MSANTD2: variants seen among roughly 807,000 people sequenced by gnomAD.
MSANTD2 encodes Myb/SANT DNA binding domain containing 2, also known as myb/SANT-like DNA-binding domain-containing protein 2.
MSANTD2 carries 19 observed loss-of-function variants against 52.6 expected under a neutral mutation model. The ratio of observed to expected loss-of-function variants is 0.36; its 90% CI spans 0.25 to 0.53. The LOEUF is 0.53. MSANTD2 is among the 20% of genes least tolerant of loss of function. MSANTD2 has a pLI of 0.91. For synonymous variants in MSANTD2, 291 were observed against 289.7 expected (o/e 1.00, Z -0.04); for missense variants, 558 against 716.3 (o/e 0.78, Z 2.52).
In MSANTD2 at chr11:124,767,483, G is replaced by A; in HGVS notation, c.1373C>T (p.Ser458Leu). The A allele has an allele frequency of 6.2e-7, 1 of 1,614,194 alleles. No homozygotes were observed. Among genetic ancestry groups the A allele is most frequent in the Non-Finnish European group, 8.5e-7 (1 of 1,180,028 alleles). The change falls in exon 4 of 4, where the codon TCA becomes TTA. Residue 458 changes from serine to leucine, a missense_variant. Physicochemically the swap from Ser to Leu is moderately radical, Grantham distance 145. This residue lies in a region of MSANTD2 where 408 missense variants were observed against 573.6 expected (regional missense o/e 0.71). Coordinates refer to ENST00000374979, the MANE Select transcript of MSANTD2 (RefSeq NM_001308027.2). The surrounding 1 kb of genome is among the most constrained non-coding windows in gnomAD (Gnocchi z 6.5). ...TTCCACCTGTAATGAGGCTTGTGCT[G>A]AAAGGGTTTCCAGGTCAACCCGGCC... Reference protein sequence around the residue: ...KEGRVDLETLSAQASLQVEIE... With the variant: ...KEGRVDLETLLAQASLQVEIE...
At chr11:124,793,182 C>T (rs1418098742) in intron 1 of MSANTD2, among the ~76,000 whole-genome samples, 3 of 152,114 alleles carry the variant, frequency 2.0e-5, no homozygotes, top group African/African-American at 4.8e-5. Context: ...ACAATATAGG[C>T]CAGTGATACT....
At chr11:124,791,273 A>G in intron 1 of MSANTD2, 1 of 1,455,924 alleles carries the variant, frequency 6.9e-7, no homozygotes, top group South Asian at 1.1e-5. Context: ...TCCTTGGTCT[A>G]CTCCATGCCC....
intron 3 of MSANTD2, among the ~76,000 whole-genome samples, chr11:124,768,779 C>A (rs1428088160): frequency 6.6e-6 from 1 of 151,964 alleles, no homozygotes; most frequent in African/African-American, 2.4e-5. Flanking sequence ...TCTAGAAAAC[C>A]CTTTATAAAG....
chr11:124,778,615 T>C (rs1944837390), intron 1 of MSANTD2, among the ~76,000 whole-genome samples: 1 of 152,126 alleles, frequency 6.6e-6, no homozygotes, highest in Non-Finnish European at 1.5e-5. Context: ...TCATGGTATT[T>C]GATTTGGAAG....
intron 3 of MSANTD2, among the ~76,000 whole-genome samples, chr11:124,772,787 C>CAG (rs1944583707): frequency 6.9e-6 from 1 of 145,290 alleles, no homozygotes; most frequent in Non-Finnish European, 1.5e-5. Flanking sequence ...ATAGACATCA[C>CAG]AGTTCCTGGA....
intron 2 of MSANTD2, among the ~76,000 whole-genome samples, chr11:124,773,770 G>C (rs1944631360): frequency 6.6e-6 from 1 of 152,110 alleles, no homozygotes; most frequent in Admixed American, 6.5e-5. Flanking sequence ...AAAAAACAGA[G>C]CCCATGGACT....
At chr11:124,785,546 T>C (rs1185920219) in intron 1 of MSANTD2, among the ~76,000 whole-genome samples, 1 of 152,206 alleles carries the variant, frequency 6.6e-6, no homozygotes, top group East Asian at 1.9e-4. Context: ...AGGTTGGACC[T>C]TGGTATTTCA....
At position 124,774,306 on chromosome 11, in the gene MSANTD2, C is replaced by G. The variant is rs566219008; in HGVS notation, c.766+413G>C. Among the ~76,000 whole-genome samples the G allele has an allele frequency of 4.2e-4, 61 of 146,650 alleles. No homozygotes were observed. The highest frequency in any genetic ancestry group is 1.6e-3 in the African/African-American group (59 of 36,618). Reference sequence around the variant, plus strand: ...GGATAAAAGAAGGAATTCCTAAGAACAACATCTACAGCAGTTGGGCCAAGA... The same window carrying G: ...GGATAAAAGAAGGAATTCCTAAGAAGAACATCTACAGCAGTTGGGCCAAGA... On this transcript the variant is annotated intron_variant, in intron 2 of 3. Transcript: ENST00000374979. This position sits in a 1 kb window ranked among gnomAD's most constrained non-coding sequence, Gnocchi z 5.1.
chr11:124,777,066 T>C (rs1254756414), intron 1 of MSANTD2, among the ~76,000 whole-genome samples: 1 of 152,190 alleles, frequency 6.6e-6, no homozygotes, highest in Admixed American at 6.5e-5. Flanking sequence ...CACTCCCCCT[T>C]TCCCAGCGCC....
chr11:124,772,905 T>G lies in MSANTD2; in HGVS notation c.827+89A>C, dbSNP rs2135235291. 5 of 854,236 alleles carry G rather than the reference T, an allele frequency of 5.9e-6. No individual in the cohort carries two copies. The South Asian group carries it at 5.9e-5, about 10-fold the overall frequency. 52.9% of individuals were successfully genotyped at this position (854,236 alleles called of 1,614,324 possible). On this transcript the variant is annotated intron_variant, in intron 3 of 3. Transcript: ENST00000374979. ...CCTCCTTGGTGAATGGCCGGAACTT[T>G]CATAATATGTCTAAATATTTTCTGA... is the stretch of plus-strand genomic sequence containing the variant.
chr11:124,796,377 GCTATATAGCTCTTC>G (rs1429656616), intron 1 of MSANTD2, among the ~76,000 whole-genome samples: 2 of 152,136 alleles, frequency 1.3e-5, no homozygotes, highest in African/African-American at 4.8e-5. Flanking sequence ...AATTAAAGTT[GCTATATAGCTCTTC>G]CTTTTAAAGT....
In MSANTD2 at chr11:124,774,613, T is replaced by C. The variant is rs570218990; in HGVS notation, c.766+106A>G. The stretch of plus-strand genomic sequence containing the variant: ...CCTTTATGCCTTATGCTGACCACTA[T>C]AGGGAACAGTACCAAAGATATTTAC... On this transcript the variant is annotated intron_variant, in intron 2 of 3. Transcript: ENST00000374979. The surrounding 1 kb of genome is among the most constrained non-coding windows in gnomAD (Gnocchi z 5.1). The C allele has an allele frequency of 2.7e-5, 32 of 1,167,812 alleles. No individual in the cohort carries two copies. In the South Asian group the frequency reaches 4.3e-4, roughly 16 times the overall value. The allele number at this position is 1,167,812 out of a possible 1,614,324, so 72.3% of individuals were successfully genotyped here. A position where few individuals can be genotyped will look rare whatever the true frequency, so the allele number is the denominator to read the frequency against.
chr11:124,771,517 C>T (rs1944519318), intron 3 of MSANTD2, among the ~76,000 whole-genome samples: 1 of 152,214 alleles, frequency 6.6e-6, no homozygotes, highest in Non-Finnish European at 1.5e-5. Context: ...CGCCTGTAAT[C>T]CCAACACTTT....
intron 1 of MSANTD2, chr11:124,791,003 G>A: frequency 2.4e-6 from 1 of 419,196 alleles, no homozygotes. Context: ...TGTAGGTTAT[G>A]GCCCATTAGT....
chr11:124,772,419 G>T (rs186224144), intron 3 of MSANTD2, among the ~76,000 whole-genome samples: 77 of 152,298 alleles, frequency 5.1e-4, no homozygotes, highest in Non-Finnish European at 2.1e-4. Flanking sequence ...ATCACTGGAA[G>T]GGTTAAGCTA....
At position 124,788,623 on chromosome 11, in the gene MSANTD2, G is replaced by A. The variant is rs186606388; in HGVS notation, c.510+11248C>T. On this transcript the variant is annotated intron_variant, in intron 1 of 3. Transcript: ENST00000374979. ...ACCATGTTTCCTAAACTGTATAACA[G>A]AGAAGGGATCTCTCCTGGTTTTCCT... Among the ~76,000 whole-genome samples the A allele has an allele frequency of 3.3e-4, 51 of 152,306 alleles. No homozygotes were observed. The East Asian group carries it at 6.6e-3, about 20-fold the overall frequency.
chr11:124,800,130 G>A lies in MSANTD2; in HGVS notation c.251C>T (p.Pro84Leu). The change falls in exon 1 of 4, where the codon CCT becomes CTT. Residue 84 changes from proline to leucine, a missense_variant. By Grantham distance (98) the Pro-to-Leu change is moderately conservative. Coordinates refer to ENST00000374979, the MANE Select transcript of MSANTD2 (RefSeq NM_001308027.2). The surrounding 1 kb of genome is among the most constrained non-coding windows in gnomAD (Gnocchi z 4.3). ...CGCAGCCCCGCCACCGCCGCCACCA[G>A]GGGAGAAGGAGACCGAGGACGAGGC... ...SAASSSVSFS[P>L]GGGGGGAAAA... The A allele has an allele frequency of 6.7e-7, 1 of 1,484,570 alleles. No individual in the cohort carries two copies. Among genetic ancestry groups the A allele is most frequent in the Non-Finnish European group, 8.9e-7 (1 of 1,126,252 alleles). 92.0% of individuals were successfully genotyped at this position (1,484,570 alleles called of 1,614,324 possible).
Position 124,767,605 on chromosome 11 carries a change from A to G in MSANTD2, c.1251T>C (p.Pro417=). 3 of 1,614,226 alleles carry G rather than the reference A, an allele frequency of 1.9e-6. No individual in the cohort carries two copies. The highest frequency in any genetic ancestry group is 1.7e-4 in the Middle Eastern group (1 of 6,060). The change falls in exon 4 of 4, where the codon CCT becomes CCC. Residue 417 remains proline (P), a synonymous_variant. Coordinates refer to ENST00000374979, the MANE Select transcript of MSANTD2 (RefSeq NM_001308027.2). The surrounding 1 kb of genome is among the most constrained non-coding windows in gnomAD (Gnocchi z 6.5). Reference sequence around the variant, plus strand: ...CAATGGCATAAAGGCCTGGGCTTTTAGGAATACCCCCAGGCAATAAATATT... The same window carrying G: ...CAATGGCATAAAGGCCTGGGCTTTTGGGAATACCCCCAGGCAATAAATATT... ...VVQYLLPGGI[P]KSPGLYAIGY...
intron 3 of MSANTD2, among the ~76,000 whole-genome samples, chr11:124,772,742 CAAAAAAAAAAAAAAAAAA>C (rs57859579): frequency 6.9e-5 from 4 of 57,926 alleles, no homozygotes; most frequent in South Asian, 8.7e-4. Context: ...GATTCCGTCT[CAAAAAAAAAAAAAAAAAA>C]AAAAAAAAAA....
Sources: gnomAD v4.1 joint callset for allele counts (sites outside exome capture counted in the v4.1 genomes callset) on GRCh38, gnomAD v4.1.1 for gene constraint, gnomAD v4.1.1 regional missense constraint, Gnocchi (gnomAD v3.1) non-coding constraint, MANE v1.5 for transcripts, NCBI Gene and HGNC (gene_info 2026-07-23, HGNC 2026-07-21) for gene names.